The following STT3A variants were observed in gnomAD, a reference collection of about 807,000 sequenced individuals.
STT3A encodes the protein STT3 oligosaccharyltransferase complex catalytic subunit A.
A neutral mutation model predicts 89.2 loss-of-function variants in STT3A; 34 were observed. The observed-to-expected ratio is 0.38, with a 90% CI of 0.29 to 0.51. The LOEUF (loss-of-function observed/expected upper bound fraction) is 0.51. Among genes scored for constraint, STT3A ranks in the 20% least tolerant of loss-of-function variants. The pLI, the probability that STT3A is intolerant of heterozygous loss-of-function variation, is 0.89. For synonymous variants in STT3A, 282 were observed against 310.3 expected (o/e 0.91, Z 0.96); for missense variants, 555 against 889.5 (o/e 0.62, Z 4.78).
chr11:125,596,713 C>T (rs1456983779), intron 2 of STT3A, among the ~76,000 whole-genome samples: 1 of 150,930 alleles, frequency 6.6e-6, no homozygotes, highest in Non-Finnish European at 1.5e-5. Context: ...TATTACTTTG[C>T]TCCAAGGTTA....
Position 125,606,345 on chromosome 11 carries a change from T to C in STT3A, c.660T>C (p.Pro220=), listed in dbSNP as rs1291435903. ...ATGTGTTCCTGATCAACTTAATTCC[T>C]CTCCACGTCCTCGTGCTGATGCTCA... ...GGYVFLINLI[P]LHVLVLMLTG... is the part of the protein sequence containing the mutation. The change falls in exon 8 of 18, where the codon CCT becomes CCC. Residue 220 remains proline, a synonymous_variant. Coordinates refer to ENST00000392708, the MANE Select transcript of STT3A (RefSeq NM_152713.5). The C allele has an allele frequency of 1.9e-6, 3 of 1,614,064 alleles. No individual in the cohort carries two copies. The highest frequency in any genetic ancestry group is 1.3e-5 in the African/African-American group (1 of 74,940).
In STT3A at chr11:125,606,429, T is replaced by A; in HGVS notation, c.744T>A (p.Thr248=). ...VAYCTVYCLG[T]ILSMQISFVG... is the part of the protein sequence containing the mutation. ...ACTGTACTGTTTACTGCCTGGGCAC[T>A]ATACTTTCTATGCAGATCTCCTTTG... Residue 248 remains threonine (T), a synonymous_variant, in exon 8 of 18, where the codon ACT becomes ACA. Transcript: ENST00000392708. 6.2e-7 allele frequency: 1 copy of A among 1,614,088 alleles called. No individual in the cohort carries two copies.
chr11:125,607,824 G>C (rs973434570), intron 8 of STT3A, among the ~76,000 whole-genome samples: 1 of 152,236 alleles, frequency 6.6e-6, no homozygotes, highest in Non-Finnish European at 1.5e-5. Context: ...GAGAATTTTA[G>C]TGGATGGGAA....
intron 8 of STT3A, 101 bp from the exon 9 acceptor site, chr11:125,608,008 T>C (rs561423392): frequency 7.7e-4 from 993 of 1,283,692 alleles, no homozygotes; most frequent in Non-Finnish European, 9.6e-4. Context: ...TCAGAACTCA[T>C]TTGACCATTT....
rs1940247580 is a variant in STT3A, at chr11:125,618,569, ACT to A, written c.1963+10_1963+11del. 1 of 1,607,156 alleles carries A rather than the reference ACT, an allele frequency of 6.2e-7. No individual in the cohort carries two copies. Among genetic ancestry groups the A allele is most frequent in the African/African-American group, 1.4e-5 (1 of 73,824 alleles). On this transcript the variant is annotated intron_variant, in intron 16 of 17. Transcript: ENST00000392708. ...AGGTTTACACAGAAGCCAGTGAGTG[ACT>A]CATAATAATATTAATAACAGTAGTA...
intron 3 of STT3A, among the ~76,000 whole-genome samples, chr11:125,599,880 G>C (rs1452848925): frequency 1.4e-5 from 2 of 139,550 alleles, no homozygotes; most frequent in Non-Finnish European, 3.0e-5. Context: ...ACAGGCACGC[G>C]CCACCACGCC....
Position 125,621,088 on chromosome 11 carries a change from A to G in STT3A, c.*278A>G, listed in dbSNP as rs1358470453. ...ATGTGCCTTATTTGTTTTGACTTAT[A>G]ACTGATTTGAGGGAGGCAAAAGCTA... On this transcript the variant is annotated 3_prime_UTR_variant, in exon 18 of 18. Coordinates refer to ENST00000392708, the MANE Select transcript of STT3A (RefSeq NM_152713.5). 3 of 316,516 alleles carry G rather than the reference A, an allele frequency of 9.5e-6. No individual in the cohort carries two copies. The highest frequency in any genetic ancestry group is 9.0e-4 in the Middle Eastern group (1 of 1,116). The allele number at this position is 316,516 out of a possible 1,614,324, so 19.6% of individuals were successfully genotyped here.
Position 125,612,669 on chromosome 11 carries a change from C to T in STT3A, c.1287C>T (p.Tyr429=). ...GIGVSQVLST[Y]MKNLDISRPD... is the part of the protein sequence containing the mutation. Reference sequence around the variant, plus strand: ...GAGTCTCCCAGGTGCTGTCCACATACATGAAGAATCTGGACATAAGTCGTC... The same window carrying T: ...GAGTCTCCCAGGTGCTGTCCACATATATGAAGAATCTGGACATAAGTCGTC... The change falls in exon 12 of 18, where the codon TAC becomes TAT. Residue 429 remains tyrosine, a synonymous_variant. Transcript: ENST00000392708. 6.2e-7 allele frequency: 1 copy of T among 1,614,160 alleles called. No homozygotes were observed.
intron 15 of STT3A, among the ~76,000 whole-genome samples, chr11:125,616,076 C>G (rs750839996): frequency 6.6e-6 from 1 of 152,030 alleles, no homozygotes; most frequent in East Asian, 1.9e-4. Flanking sequence ...AACACTGTTA[C>G]TGTCTAGATC....
chr11:125,606,784 AC>A (rs1939853596), intron 8 of STT3A, among the ~76,000 whole-genome samples: 1 of 152,128 alleles, frequency 6.6e-6, no homozygotes, highest in Non-Finnish European at 1.5e-5. Context: ...AATGCAGATG[AC>A]CCCATGTAGT....
rs1242395373 is a variant in STT3A, at chr11:125,595,650, G to C, written c.-35-231G>C. The stretch of plus-strand genomic sequence containing the variant: ...AGGAGTGGGAAATAGAATTATGGAT[G>C]GTTTATTCTGACCACTCCATTTTAG... On this transcript the variant is annotated intron_variant, in intron 1 of 17. Coordinates refer to ENST00000392708, the MANE Select transcript of STT3A (RefSeq NM_152713.5). 5.3e-5 allele frequency among the ~76,000 whole-genome samples: 8 copies of C among 152,110 alleles called. No homozygotes were observed. The East Asian group carries it at 1.5e-3, about 29-fold the overall frequency.
At chr11:125,598,142 G>T (rs1442188046) in intron 3 of STT3A, among the ~76,000 whole-genome samples, 2 of 152,192 alleles carry the variant, frequency 1.3e-5, no homozygotes, top group East Asian at 3.9e-4. Context: ...AACGCAGGAG[G>T]TGGAGGTTGC....
At chr11:125,609,319 A>G (rs1236854040) in intron 9 of STT3A, 115 bp from the exon 10 acceptor site, 3 of 1,380,114 alleles carry the variant, frequency 2.2e-6, no homozygotes, top group African/African-American at 2.9e-5. Context: ...TTAAGCAAAA[A>G]CCTAATCCTT....
chr11:125,597,246 A>G (rs1486159676), intron 3 of STT3A, 127 bp downstream of exon 3: 1 of 1,000,830 alleles, frequency 1.0e-6, no homozygotes, highest in Non-Finnish European at 1.5e-6. Context: ...AGGGAAAAAA[A>G]AACCCTTAAA....
At chr11:125,620,683 C>A (rs1458677131) in intron 17 of STT3A, 89 bp from the exon 18 acceptor site, 20 of 1,266,024 alleles carry the variant, frequency 1.6e-5, no homozygotes, top group Non-Finnish European at 2.3e-5. Flanking sequence ...CAACATAATC[C>A]TGCCCACTCT....
At chr11:125,594,257 GT>G (rs1939414273) in intron 1 of STT3A, among the ~76,000 whole-genome samples, 1 of 152,074 alleles carries the variant, frequency 6.6e-6, no homozygotes, top group Non-Finnish European at 1.5e-5. Context: ...TGTTATAGTC[GT>G]TATAACTTAG....
At chr11:125,617,035 T>TA (rs1487618219) in intron 15 of STT3A, among the ~76,000 whole-genome samples, 16 of 152,142 alleles carry the variant, frequency 1.1e-4, no homozygotes, top group African/African-American at 3.1e-4. Context: ...GCTTCAGACA[T>TA]ACCTGCCAGG....
rs897233313 is a variant in STT3A at position 125,595,931 on chromosome 11, T to G, written c.16T>G (p.Phe6Val). The change falls in exon 2 of 18, where the codon TTT becomes GTT. Residue 6 changes from phenylalanine to valine, a missense_variant. Around this residue, in one of 5 missense-constraint regions of STT3A, gnomAD observed 129 missense variants for 193.2 expected, o/e 0.67. Coordinates refer to ENST00000392708, the MANE Select transcript of STT3A (RefSeq NM_152713.5). The stretch of plus-strand genomic sequence containing the variant: ...TCATGTCAAGATGACTAAGTTTGGA[T>G]TTTTGCGATTGTCCTATGAGAAGCA... MTKFG[F>V]LRLSYEKQDT... is the part of the protein sequence containing the mutation. 2 of 1,613,604 alleles carry G rather than the reference T, an allele frequency of 1.2e-6. No homozygotes were observed. The highest frequency in any genetic ancestry group is 3.3e-5 in the Admixed American group (2 of 59,972).
chr11:125,604,901 C>T (rs2135922576), intron 6 of STT3A, among the ~76,000 whole-genome samples: 1 of 152,146 alleles, frequency 6.6e-6, no homozygotes, highest in Non-Finnish European at 1.5e-5. Context: ...CATTTGAGCT[C>T]AGGAGTTTGA....
Sources: allele counts gnomAD v4.1 joint callset (sites outside exome capture counted in the v4.1 genomes callset), GRCh38; gene constraint gnomAD v4.1.1; regional missense constraint gnomAD v4.1.1; transcripts MANE v1.5; gene names NCBI Gene and HGNC (gene_info 2026-07-23, HGNC 2026-07-21).